RWDD2B: variants seen among roughly 807,000 people sequenced by gnomAD.
RWDD2B encodes the protein RWD domain containing 2B.
RWDD2B carries 36 observed loss-of-function variants against 33.6 expected under a neutral mutation model. That is an observed-to-expected ratio of 1.07 (90% confidence interval 0.82 to 1.42). The LOEUF (loss-of-function observed/expected upper bound fraction) is 1.42, where lower values mean the gene tolerates loss of function less well. Ranked by LOEUF, RWDD2B falls within the 40% of genes most tolerant of loss-of-function variation. The probability of loss-of-function intolerance (pLI) is 0.00; values close to 1 mark genes in which losing one functional copy is unlikely to be tolerated. For missense variants in RWDD2B, 364 were observed against 377.5 expected, an observed-to-expected ratio of 0.96 and a Z score of 0.30; for synonymous variants, 126 against 133.1, an observed-to-expected ratio of 0.95 and a Z score of 0.37.
At chr21:29,014,205 C>A (rs527980366) in intron 1 of RWDD2B, among the ~76,000 whole-genome samples, 1 of 152,270 alleles carries the variant, frequency 6.6e-6, no homozygotes, top group South Asian at 2.1e-4. Context: ...AGAGCAAGTG[C>A]AAGAGAGATG....
chr21:29,007,611 G>T, intron 4 of RWDD2B, 150 bp downstream of exon 4: 1 of 747,590 alleles, frequency 1.3e-6, no homozygotes, highest in Non-Finnish European at 2.1e-6. Context: ...CATATATCAG[G>T]TTTCTATATG....
At chr21:29,017,503 T>C (rs1438608878) in intron 1 of RWDD2B, among the ~76,000 whole-genome samples, 1 of 151,758 alleles carries the variant, frequency 6.6e-6, no homozygotes, top group Non-Finnish European at 1.5e-5. Flanking sequence ...TCCCAGCTAC[T>C]AGGGAGGCTG....
At chr21:29,010,922 G>A (rs1282635689) in intron 1 of RWDD2B, among the ~76,000 whole-genome samples, 7 of 152,188 alleles carry the variant, frequency 4.6e-5, no homozygotes, top group Non-Finnish European at 1.0e-4. Flanking sequence ...CGCCAGCCTC[G>A]GCCTCCCGAG....
At chr21:29,012,929 T>TA (rs1269333714) in intron 1 of RWDD2B, among the ~76,000 whole-genome samples, 1 of 152,218 alleles carries the variant, frequency 6.6e-6, no homozygotes, top group African/African-American at 2.4e-5. Context: ...CAGTACATCT[T>TA]ATAATAAATT....
In RWDD2B at chr21:29,005,717, G is replaced by A. The variant is rs966478432; in HGVS notation, c.*700C>T. 5.3e-5 allele frequency: 8 copies of A among 152,082 alleles called. No individual in the cohort carries two copies. The highest frequency in any genetic ancestry group is 1.7e-4 in the African/African-American group (7 of 41,360). The allele number at this position is 152,082 out of a possible 1,614,324, so 9.4% of individuals were successfully genotyped here. A position where few individuals can be genotyped will look rare whatever the true frequency, so the allele number is the denominator to read the frequency against. ...TGCACCATTGCACTCTAGCCCGGGCGACAGAGCAAGACTCCGTCTATTTAA... is the reference window on the plus strand; with the variant it reads ...TGCACCATTGCACTCTAGCCCGGGCAACAGAGCAAGACTCCGTCTATTTAA... On this transcript the variant is annotated 3_prime_UTR_variant, in exon 5 of 5. Coordinates refer to ENST00000493196, the MANE Select transcript of RWDD2B (RefSeq NM_016940.3).
At chr21:29,018,149 T>C (rs952757983) in intron 1 of RWDD2B, among the ~76,000 whole-genome samples, 1 of 152,096 alleles carries the variant, frequency 6.6e-6, no homozygotes, top group African/African-American at 2.4e-5. Context: ...AGTGGTCAAG[T>C]TGGTGAGCTT....
At position 29,006,659 on chromosome 21, in the gene RWDD2B, G is replaced by T. The variant is rs539553386; in HGVS notation, c.726-8C>A. ...CAGTTTAATTTTCTGAGTCTGAAAA[G>T]AAATTTCCAAAGTAAACATTTTCAA... On this transcript the variant is annotated splice_region_variant and splice_polypyrimidine_tract_variant and intron_variant, in intron 4 of 4. Transcript: ENST00000493196. 3.9e-6 allele frequency: 6 copies of T among 1,528,718 alleles called. No homozygotes were observed. The highest frequency in any genetic ancestry group is 3.5e-5 in the South Asian group (3 of 86,656). The allele number at this position is 1,528,718 out of a possible 1,614,324, so 94.7% of individuals were successfully genotyped here.
chr21:29,017,357 A>G (rs1170392299), intron 1 of RWDD2B, among the ~76,000 whole-genome samples: 1 of 151,196 alleles, frequency 6.6e-6, no homozygotes, highest in Non-Finnish European at 1.5e-5. Flanking sequence ...CACGCCTGTA[A>G]TCCCAGCACT....
rs774830521 is a variant in RWDD2B, at chr21:29,008,117, T to C, written c.369A>G (p.Val123=). The change falls in exon 4 of 5, where the codon GTA becomes GTG. Residue 123 remains valine (V), a synonymous_variant. Transcript: ENST00000493196. ...GAGTCTGCTGGGATCTACTCAATAA[T>C]ACTGATCTAATAGAAAAGATACAAG... The part of the protein sequence containing the change: ...AVLPEITVRS[V]LLSRSQQTQL... The C allele has an allele frequency of 6.2e-7, 1 of 1,612,624 alleles. No homozygotes were observed. The highest frequency in any genetic ancestry group is 8.5e-7 in the Non-Finnish European group (1 of 1,179,188).
intron 1 of RWDD2B, among the ~76,000 whole-genome samples, chr21:29,013,703 A>G (rs1250703042): frequency 6.6e-6 from 1 of 151,948 alleles, no homozygotes; most frequent in Non-Finnish European, 1.5e-5. Flanking sequence ...AAAAAAAAAA[A>G]AAAGAAATTA....
At position 29,018,951 on chromosome 21, in the gene RWDD2B, C is replaced by A. The variant is rs1477889055; in HGVS notation, c.67+260G>T. Among the ~76,000 whole-genome samples, 6 of 152,182 alleles carry A rather than the reference C, an allele frequency of 3.9e-5. No homozygotes were observed. The South Asian group carries it at 1.0e-3, about 26-fold the overall frequency. Reference sequence around the variant, plus strand: ...GAACAGAGCAGGGTACCCCGCGACCCAAGCCAAGACGCTCTCAGGAAGAAA... The same window carrying A: ...GAACAGAGCAGGGTACCCCGCGACCAAAGCCAAGACGCTCTCAGGAAGAAA... On this transcript the variant is annotated intron_variant, in intron 1 of 4. Coordinates refer to ENST00000493196, the MANE Select transcript of RWDD2B (RefSeq NM_016940.3).
intron 3 of RWDD2B, 46 bp downstream of exon 3, chr21:29,008,194 A>G (rs756171058): frequency 5.6e-6 from 9 of 1,609,592 alleles, no homozygotes; most frequent in Non-Finnish European, 7.6e-6. Context: ...TTTTATTCTC[A>G]GATTAATTTT....
At chr21:29,010,054 T>C (rs1601020427) in intron 1 of RWDD2B, among the ~76,000 whole-genome samples, 1 of 152,202 alleles carries the variant, frequency 6.6e-6, no homozygotes, top group East Asian at 1.9e-4. Context: ...TACCTATTGA[T>C]GGACACTTGG....
intron 1 of RWDD2B, among the ~76,000 whole-genome samples, chr21:29,011,511 G>GC (rs557391398): frequency 1.9e-3 from 292 of 151,476 alleles, no homozygotes; most frequent in African/African-American, 6.7e-3. Context: ...TCTCTACCCG[G>GC]CAGCCACCTC....
intron 1 of RWDD2B, among the ~76,000 whole-genome samples, chr21:29,016,850 A>G (rs1290170341): frequency 2.0e-5 from 3 of 151,982 alleles, no homozygotes; most frequent in Non-Finnish European, 2.9e-5. Context: ...AGTCTCCCCA[A>G]CTCCATAACT....
rs181775659 is a variant in RWDD2B, at chr21:29,013,966, C to A, written c.67+5245G>T. ...TCTTAGGATGTTCCAAATTCTCGAG[C>A]CCCATATTTGTAAATTTAACTATAT... On this transcript the variant is annotated intron_variant, in intron 1 of 4. Transcript: ENST00000493196. Among the ~76,000 whole-genome samples the A allele has an allele frequency of 5.4e-3, 829 of 152,178 alleles. 7 individuals carry two copies. Among genetic ancestry groups the A allele is most frequent in the African/African-American group, 0.019 (800 of 41,522 alleles).
chr21:29,008,858 A>G (rs915672618), intron 1 of RWDD2B, among the ~76,000 whole-genome samples: 13 of 152,216 alleles, frequency 8.5e-5, no homozygotes, highest in African/African-American at 3.1e-4. Context: ...AACTCTTAAT[A>G]GTAAGTAGAC....
Position 29,010,632 on chromosome 21 carries a change from ACC to A in RWDD2B, c.68-2013_68-2012del, listed in dbSNP as rs1473276468. Among the ~76,000 whole-genome samples the A allele has an allele frequency of 4.7e-3, 640 of 137,518 alleles. 2 individuals are homozygous for A. Among genetic ancestry groups the A allele is most frequent in the African/African-American group, 0.016 (592 of 36,858 alleles). 90.2% of individuals were successfully genotyped at this position (137,518 alleles called of 152,430 possible). A position where few individuals can be genotyped will look rare whatever the true frequency, so the allele number is the denominator to read the frequency against. On this transcript the variant is annotated intron_variant, in intron 1 of 4. Transcript: ENST00000493196. The stretch of plus-strand genomic sequence containing the variant: ...CAAAAAATAAAAATAAAAAAAAAAA[ACC>A]AAAAAAAACCCTCTCCCTCTCCCTC...
intron 1 of RWDD2B, among the ~76,000 whole-genome samples, chr21:29,018,265 C>T (rs1351786438): frequency 6.6e-6 from 1 of 152,144 alleles, no homozygotes; most frequent in Non-Finnish European, 1.5e-5. Flanking sequence ...AAGTATGGAT[C>T]TGCCATTTAT....
Sources: allele counts gnomAD v4.1 joint callset (sites outside exome capture counted in the v4.1 genomes callset), GRCh38; gene constraint gnomAD v4.1.1; transcripts MANE v1.5; gene names NCBI Gene and HGNC (gene_info 2026-07-23, HGNC 2026-07-21).